Variants in CLCN2 observed in about 807,000 individuals in gnomAD.
The protein encoded by CLCN2 is chloride voltage-gated channel 2.
CLCN2 carries 72 observed loss-of-function variants against 108.3 expected under a neutral mutation model. The ratio of observed to expected loss-of-function variants is 0.66; its 90% CI spans 0.55 to 0.81. The LOEUF (loss-of-function observed/expected upper bound fraction) is 0.81, where lower values mean the gene tolerates loss of function less well. CLCN2 is among the 30% of genes least tolerant of loss of function. The pLI is 0.00. For synonymous variants in CLCN2, 471 were observed against 467.1 expected (o/e 1.01, Z -0.11); for missense variants, 1,048 against 1,205.2 (o/e 0.87, Z 1.93).
At position 184,353,113 on chromosome 3, in the gene CLCN2, C is replaced by T. The variant is rs111656822; in HGVS notation, c.2063G>A (p.Arg688Gln). The T allele has an allele frequency of 0.021, 34,075 of 1,614,124 alleles. 436 individuals carry two copies. Among genetic ancestry groups the T allele is most frequent in the Non-Finnish European group, 0.025 (29,832 of 1,179,990 alleles). ...CTTTAGGGGCTTGTGGGTCTCCCCC[C>T]GGGCTGCTGGGAAGGCTGAGTCTTC... ...NTEDSAFPAA[R>Q]GETHKPLKPA... The change falls in exon 18 of 24, where the codon CGG becomes CAG. Residue 688 changes from arginine (R) to glutamine (Q), a missense_variant. Arg to Gln is a conservative substitution (Grantham distance 43, BLOSUM62 1). Coordinates refer to ENST00000265593, the MANE Select transcript of CLCN2 (RefSeq NM_004366.6).
chr3:184,354,821 G>A (rs1454300340), intron 13 of CLCN2, 83 bp downstream of exon 13: 20 of 1,507,274 alleles, frequency 1.3e-5, no homozygotes, highest in Admixed American at 3.3e-5. Context: ...CCAAAAACCC[G>A]CTCTTGGGCA....
At chr3:184,359,601 T>C (rs1454177276) in intron 1 of CLCN2, among the ~76,000 whole-genome samples, 1 of 152,180 alleles carries the variant, frequency 6.6e-6, no homozygotes, top group Admixed American at 6.5e-5. Flanking sequence ...CCTTATCACG[T>C]TCCTGCTGGG....
rs1486790756 is a variant in CLCN2 at position 184,352,026 on chromosome 3, G to A, written c.2402C>T (p.Thr801Ile). The change falls in exon 22 of 24, where the codon ACC becomes ATC. Residue 801 changes from threonine to isoleucine, a missense_variant. Transcript: ENST00000265593. ...TGCTGGCCCTACCTTGTGCAAAGAG[G>A]TCCGCTCCACCAGCTGGAAGGGAGC... ...DPAPFQLVER[T>I]SLHKTHTIFS... 1 of 1,613,200 alleles carries A rather than the reference G, an allele frequency of 6.2e-7. No individual in the cohort carries two copies. Among genetic ancestry groups the A allele is most frequent in the Non-Finnish European group, 8.5e-7 (1 of 1,179,634 alleles).
Position 184,352,506 on chromosome 3 carries a change from T to C in CLCN2, c.2218-10A>G, listed in dbSNP as rs777188783. 2.5e-6 allele frequency: 4 copies of C among 1,612,558 alleles called. No individual in the cohort carries two copies. The East Asian group carries it at 8.9e-5, about 36-fold the overall frequency. ...CACAGGATTCCAACTTCTTCAGTTT[T>C]GTTAGAGCCAAACCAGAAAGATGAG... is the stretch of plus-strand genomic sequence containing the variant. On this transcript the variant is annotated splice_polypyrimidine_tract_variant and intron_variant, in intron 19 of 23. Transcript: ENST00000265593.
chr3:184,354,527 G>A lies in CLCN2; in HGVS notation c.1507+21C>T, dbSNP rs749236237. 75 of 1,596,918 alleles carry A rather than the reference G, an allele frequency of 4.7e-5. 1 individual carries two copies. The highest frequency in any genetic ancestry group is 1.7e-5 in the Admixed American group (1 of 59,954). On this transcript the variant is annotated intron_variant, in intron 14 of 23. Coordinates refer to ENST00000265593, the MANE Select transcript of CLCN2 (RefSeq NM_004366.6). ...GTGGGTGGGGGGGTCTCCCAAGGCC[G>A]ATGGGACCTGAGGCACTCACCGACC...
chr3:184,354,124 A>G lies in CLCN2; in HGVS notation c.1698T>C (p.Pro566=), dbSNP rs766576851. 6.2e-7 allele frequency: 1 copy of G among 1,612,554 alleles called. No individual in the cohort carries two copies. Among genetic ancestry groups the G allele is most frequent in the Middle Eastern group, 1.6e-4 (1 of 6,062 alleles). ...ACTGGTGGCGGCCCCAGCCGAGCTC[A>G]GGCAGGTAGGGCAGTTTCTTGATTC... ...IIRIKKLPYL[P]ELGWGRHQQY... Residue 566 remains proline, a synonymous_variant, in exon 15 of 24, where the codon CCT becomes CCC. Transcript: ENST00000265593.
rs548307860 is a variant in CLCN2, at chr3:184,355,948, C to T, written c.1086-170G>A. The T allele has an allele frequency of 3.3e-4, 217 of 663,046 alleles. 3 individuals are homozygous for T. In the South Asian group the frequency reaches 3.4e-3, roughly 10 times the overall value. 41.1% of individuals were successfully genotyped at this position (663,046 alleles called of 1,614,324 possible). A position where few individuals can be genotyped will look rare whatever the true frequency, so the allele number is the denominator to read the frequency against. On this transcript the variant is annotated intron_variant, in intron 10 of 23. Coordinates refer to ENST00000265593, the MANE Select transcript of CLCN2 (RefSeq NM_004366.6). This position sits in a 1 kb window ranked among gnomAD's most constrained non-coding sequence, Gnocchi z 6.3. ...CGATAGCCCCAAGGCTGATGGTGGA[C>T]TGGGGTTATTCTAAGAGCAGGGGTC... is the stretch of plus-strand genomic sequence containing the variant.
intron 1 of CLCN2, among the ~76,000 whole-genome samples, chr3:184,359,925 G>T (rs1711764150): frequency 7.2e-6 from 1 of 139,840 alleles, no homozygotes; most frequent in Non-Finnish European, 1.6e-5. Context: ...GCGGGGAGGA[G>T]TAGATTCTGG....
Position 184,358,104 on chromosome 3 carries a change from G to A in CLCN2, c.482-9C>T, listed in dbSNP as rs2108572848. 6.2e-7 allele frequency: 1 copy of A among 1,614,084 alleles called. No individual in the cohort carries two copies. Among genetic ancestry groups the A allele is most frequent in the African/African-American group, 1.3e-5 (1 of 75,036 alleles). ...CTCAGGGATGCCAGAGCCTGGAGAG[G>A]GAACAGTCTCAGGAGAGGCATTCGA... On this transcript the variant is annotated splice_polypyrimidine_tract_variant and intron_variant, in intron 4 of 23. Transcript: ENST00000265593.
chr3:184,359,313 C>T (rs906647144), intron 1 of CLCN2, among the ~76,000 whole-genome samples, 182 bp from the exon 2 acceptor site: 2 of 152,182 alleles, frequency 1.3e-5, no homozygotes, highest in Non-Finnish European at 2.9e-5. Context: ...TGGAGGCTGT[C>T]CTGGCCAGAG....
At chr3:184,358,483 G>A in intron 3 of CLCN2, 173 bp from the exon 4 acceptor site, 3 of 1,110,578 alleles carry the variant, frequency 2.7e-6, no homozygotes, top group Non-Finnish European at 4.0e-6. Flanking sequence ...CTAGGCAAGA[G>A]GATCACTTGG....
At chr3:184,350,623 G>C (rs953103766) in intron 22 of CLCN2, among the ~76,000 whole-genome samples, 1 of 152,072 alleles carries the variant, frequency 6.6e-6, no homozygotes, top group Admixed American at 6.6e-5. Flanking sequence ...TTTTAGTAGA[G>C]ATGGAGTTTC....
intron 22 of CLCN2, 43 bp from the exon 23 acceptor site, chr3:184,347,064 G>A (rs769360489): frequency 6.4e-7 from 1 of 1,550,552 alleles, no homozygotes; most frequent in Non-Finnish European, 8.9e-7. Flanking sequence ...ATGGACGAGG[G>A]GCAGCTCTAA....
intron 15 of CLCN2, 126 bp downstream of exon 15, chr3:184,353,975 T>C (rs749468427): frequency 1.9e-5 from 26 of 1,348,414 alleles, no homozygotes; most frequent in Non-Finnish European, 2.7e-5. Flanking sequence ...CCCTCCAGAG[T>C]GTGGACGAAG....
chr3:184,347,508 G>T (rs1478055291), intron 22 of CLCN2: 1 of 278,482 alleles, frequency 3.6e-6, no homozygotes, highest in Non-Finnish European at 7.0e-6. Flanking sequence ...CATCACACCG[G>T]AGAGGGACGC....
rs369960863 is a variant in CLCN2, at chr3:184,358,343, C to T, written c.353-33G>A. 42 of 1,612,676 alleles carry T rather than the reference C, an allele frequency of 2.6e-5. No individual in the cohort carries two copies. The African/African-American group carries it at 3.9e-4, about 15-fold the overall frequency. On this transcript the variant is annotated intron_variant, in intron 3 of 23. Transcript: ENST00000265593. ...AAGAGGACCTGCTGGACCCCCAGTG[C>T]ACACACCCACTGCCTGCCTGGCCAG...
chr3:184,359,211 C>T, intron 1 of CLCN2, 80 bp from the exon 2 acceptor site: 1 of 1,526,290 alleles, frequency 6.6e-7, no homozygotes, highest in South Asian at 1.1e-5. Context: ...AGCCTCCACT[C>T]CTCTTCTCCC....
chr3:184,358,403 G>A, intron 3 of CLCN2, 93 bp from the exon 4 acceptor site: 3 of 1,563,206 alleles, frequency 1.9e-6, no homozygotes, highest in Non-Finnish European at 2.6e-6. Flanking sequence ...GTCCCAGGGA[G>A]TACCACACAG....
At position 184,352,952 on chromosome 3, in the gene CLCN2, C is replaced by T. The variant is rs114268564; in HGVS notation, c.2143+81G>A. The T allele has an allele frequency of 1.3e-3, 1,942 of 1,538,162 alleles. 14 individuals are homozygous for T. The African/African-American group carries it at 0.02, about 16-fold the overall frequency. ...AGCCTCTTCCAGCTGGGATGTACCC[C>T]AGCAACAGGGCTGGGCAGGGACTCT... On this transcript the variant is annotated intron_variant, in intron 18 of 23. Coordinates refer to ENST00000265593, the MANE Select transcript of CLCN2 (RefSeq NM_004366.6).
Sources: gnomAD v4.1 joint callset for allele counts (sites outside exome capture counted in the v4.1 genomes callset) on GRCh38, gnomAD v4.1.1 for gene constraint, Gnocchi (gnomAD v3.1) non-coding constraint, MANE v1.5 for transcripts, NCBI Gene and HGNC (gene_info 2026-07-23, HGNC 2026-07-21) for gene names.